Variants in DAB1 observed in about 807,000 individuals in gnomAD.
DAB1 encodes disabled homolog 1.
A neutral mutation model predicts 64.6 loss-of-function variants in DAB1; 15 were observed. The observed-to-expected ratio is 0.23, with a 90% confidence interval of 0.16 to 0.36. The LOEUF (loss-of-function observed/expected upper bound fraction) is 0.36. DAB1 is among the 10% of genes least tolerant of loss of function. The pLI is 1.00. For missense variants in DAB1, 596 were observed against 706.7 expected (o/e 0.84, Z 1.78); for synonymous variants, 235 against 251.9 (o/e 0.93, Z 0.64).
At chr1:57,368,819 C>T (rs530934295) in intron 1 of DAB1, among the ~76,000 whole-genome samples, 14 of 152,236 alleles carry the variant, frequency 9.2e-5, no homozygotes, top group African/African-American at 2.6e-4. Context: ...GACAGAAAGG[C>T]GACACCTCAA....
At chr1:57,116,963 G>C (rs146972118) in intron 4 of DAB1, among the ~76,000 whole-genome samples, 1 of 152,048 alleles carries the variant, frequency 6.6e-6, no homozygotes, top group African/African-American at 2.4e-5. Context: ...ACTTCATCCC[G>C]GCACTCTGCA....
At chr1:58,205,621 G>A (rs1658233695) in intron 4 of DAB1, among the ~76,000 whole-genome samples, 1 of 152,230 alleles carries the variant, frequency 6.6e-6, no homozygotes, top group Admixed American at 6.5e-5. Flanking sequence ...TGACTCCTTT[G>A]TAGCCGAGTG....
intron 4 of DAB1, among the ~76,000 whole-genome samples, chr1:58,311,481 G>A (rs1019231326): frequency 6.6e-5 from 10 of 152,144 alleles, no homozygotes; most frequent in Admixed American, 1.3e-4. Context: ...TCCACACTGT[G>A]GCAGCTTTAG....
At chr1:57,111,541 T>A (rs1655657105) in intron 4 of DAB1, among the ~76,000 whole-genome samples, 1 of 152,142 alleles carries the variant, frequency 6.6e-6, no homozygotes, top group South Asian at 2.1e-4. Flanking sequence ...CCCTCTAATT[T>A]TTTCATTCAT....
At chr1:57,168,512 C>T (rs1661419469) in intron 2 of DAB1, among the ~76,000 whole-genome samples, 2 of 152,144 alleles carry the variant, frequency 1.3e-5, no homozygotes, top group South Asian at 4.1e-4. Context: ...TTTTTCTGTA[C>T]CATTTCCTCT....
At position 58,480,926 on chromosome 1, in the gene DAB1, C is replaced by A. The variant is rs369834086; in HGVS notation, n.257+25134G>T. On this transcript the variant is annotated intron_variant and non_coding_transcript_variant, in intron 3 of 20. Coordinates refer to the DAB1 transcript ENST00000485760. ...AAGTAACATAAAATGATAAGGACTGCAACATTCTTCATATATCTTGTGTCT... is the reference window on the plus strand; with the variant it reads ...AAGTAACATAAAATGATAAGGACTGAAACATTCTTCATATATCTTGTGTCT... 10 of 827,018 alleles carry A rather than the reference C, an allele frequency of 1.2e-5. 1 individual carries two copies. The highest frequency in any genetic ancestry group is 6.7e-5 in the African/African-American group (4 of 59,782). The allele number at this position is 827,018 out of a possible 1,614,324, so 51.2% of individuals were successfully genotyped here. A position where few individuals can be genotyped will look rare whatever the true frequency, so the allele number is the denominator to read the frequency against.
chr1:57,785,283 T>C (rs1255568848), intron 6 of DAB1, among the ~76,000 whole-genome samples: 1 of 152,174 alleles, frequency 6.6e-6, no homozygotes, highest in Non-Finnish European at 1.5e-5. Flanking sequence ...ATGAAAATTA[T>C]TTTCATGCCT....
chr1:57,331,883 A>G (rs1389549647), intron 1 of DAB1, among the ~76,000 whole-genome samples: 23 of 152,250 alleles, frequency 1.5e-4, no homozygotes, highest in Admixed American at 1.5e-3. Flanking sequence ...AGAAAGGCAG[A>G]GGAATCTTGG....
chr1:57,757,730 G>A (rs192302674), intron 6 of DAB1, among the ~76,000 whole-genome samples: 1 of 152,212 alleles, frequency 6.6e-6, no homozygotes, highest in African/African-American at 2.4e-5. Context: ...GGTACTGAGG[G>A]TTCAGACTCC....
Position 57,168,956 on chromosome 1 carries a change from T to C in DAB1, c.68-23527A>G, listed in dbSNP as rs116460137. Among the ~76,000 whole-genome samples, 1,366 of 152,254 alleles carry C rather than the reference T, an allele frequency of 9.0e-3. 13 individuals are homozygous for C. The highest frequency in any genetic ancestry group is 0.014 in the Non-Finnish European group (986 of 68,026). ...CCATAGTCCCAGCTACTTAGGAGGC[T>C]GAGGCAGGAGGATCACTTAGGTACA... On this transcript the variant is annotated intron_variant, in intron 2 of 14. Transcript: ENST00000371236.
intron 2 of DAB1, among the ~76,000 whole-genome samples, chr1:57,207,050 C>A (rs1485641481): frequency 7.0e-6 from 1 of 143,674 alleles, no homozygotes; most frequent in Non-Finnish European, 1.5e-5. Context: ...CTCACTGCAA[C>A]CTCCGCCTCC....
At chr1:57,365,127 T>G (rs1679874107) in intron 1 of DAB1, among the ~76,000 whole-genome samples, 1 of 144,106 alleles carries the variant, frequency 6.9e-6, no homozygotes, top group Admixed American at 7.1e-5. Context: ...ATATAGAATA[T>G]ATATAAGAAT....
intron 7 of DAB1, among the ~76,000 whole-genome samples, chr1:57,513,663 A>G (rs1265295894): frequency 6.6e-6 from 1 of 152,232 alleles, no homozygotes; most frequent in East Asian, 1.9e-4. Flanking sequence ...TAACATTGGC[A>G]TAACCTCACA....
intron 2 of DAB1, among the ~76,000 whole-genome samples, chr1:57,223,586 G>A (rs2100395147): frequency 6.6e-6 from 1 of 152,236 alleles, no homozygotes; most frequent in South Asian, 2.1e-4. Flanking sequence ...TGAGTGGATG[G>A]AAGCCACGCC....
intron 4 of DAB1, among the ~76,000 whole-genome samples, chr1:58,313,715 C>A (rs1341206341): frequency 1.3e-5 from 2 of 151,992 alleles, no homozygotes; most frequent in African/African-American, 4.8e-5. Flanking sequence ...TTATTTCTTA[C>A]AATTCTGGAA....
intron 1 of DAB1, among the ~76,000 whole-genome samples, chr1:57,351,587 G>A (rs1341563440): frequency 6.6e-6 from 1 of 152,104 alleles, no homozygotes; most frequent in Non-Finnish European, 1.5e-5. Flanking sequence ...ATAACAAGTT[G>A]GTTGCAGATG....
intron 5 of DAB1, among the ~76,000 whole-genome samples, chr1:58,140,176 GT>G (rs1654198777): frequency 6.6e-6 from 1 of 152,078 alleles, no homozygotes; most frequent in Non-Finnish European, 1.5e-5. Flanking sequence ...CTCTACCAAG[GT>G]AATTCTCATT....
At chr1:57,798,758 T>C (rs1650988264) in intron 6 of DAB1, among the ~76,000 whole-genome samples, 1 of 152,198 alleles carries the variant, frequency 6.6e-6, no homozygotes, top group Admixed American at 6.5e-5. Context: ...ATTTCTTCCA[T>C]GTCTGGGCTC....
At chr1:57,099,122 T>C (rs1654437595) in intron 4 of DAB1, among the ~76,000 whole-genome samples, 1 of 152,170 alleles carries the variant, frequency 6.6e-6, no homozygotes, top group Admixed American at 6.5e-5. Flanking sequence ...ACTCAATCAA[T>C]ACATATCTAC....
Sources: gnomAD v4.1 joint callset for allele counts (sites outside exome capture counted in the v4.1 genomes callset) on GRCh38, gnomAD v4.1.1 for gene constraint, MANE v1.5 for transcripts, NCBI Gene and HGNC (gene_info 2026-07-23, HGNC 2026-07-21) for gene names.